Variants in DIAPH2 observed in about 807,000 individuals in gnomAD.
DIAPH2 encodes the protein protein diaphanous homolog 2.
Under a neutral mutation model 92.7 loss-of-function variants are expected in DIAPH2, and 35 were observed. The ratio of observed to expected loss-of-function variants is 0.38; its 90% CI spans 0.29 to 0.50. The LOEUF is 0.50. Ranked by LOEUF, DIAPH2 falls within the 20% of genes least tolerant of loss-of-function variation. The pLI, the probability that DIAPH2 is intolerant of heterozygous loss-of-function variation, is 0.94. For missense variants in DIAPH2, 701 were observed against 819.5 expected (o/e 0.86, Z 1.77); for synonymous variants, 301 against 280.4 (o/e 1.07, Z -0.73).
intron 1 of DIAPH2, among the ~76,000 whole-genome samples, chrX:96,731,174 C>T (rs910871738): frequency 3.6e-5 from 4 of 111,094 alleles, no homozygotes; most frequent in African/African-American, 1.3e-4. Context: ...TTCGGGCCAT[C>T]GGGGTGTATA....
chrX:97,519,132 C>G (rs1260955713), intron 26 of DIAPH2, among the ~76,000 whole-genome samples: 2 of 111,996 alleles, frequency 1.8e-5, no homozygotes, highest in African/African-American at 6.5e-5. Context: ...ATTTTGATGA[C>G]TGCAATTTCA....
intron 17 of DIAPH2, among the ~76,000 whole-genome samples, chrX:97,058,119 C>T (rs1395599243): frequency 9.0e-6 from 1 of 111,497 alleles, no homozygotes; most frequent in Admixed American, 9.5e-5. Context: ...CAACATGGAT[C>T]GTTGAACAGT....
chrX:97,323,593 G>GAAA (rs1199744995), intron 23 of DIAPH2, among the ~76,000 whole-genome samples: 7 of 23,256 alleles, frequency 3.0e-4, no homozygotes, highest in African/African-American at 5.1e-4. Context: ...TCCGTCTCAA[G>GAAA]AAAAAAAAAA....
intron 4 of DIAPH2, among the ~76,000 whole-genome samples, chrX:96,873,645 T>TATAC (rs1335853468): frequency 1.5e-4 from 10 of 68,526 alleles, no homozygotes; most frequent in African/African-American, 6.9e-4. Context: ...TGCGTATATA[T>TATAC]ATACACACAC....
intron 17 of DIAPH2, among the ~76,000 whole-genome samples, chrX:96,983,300 G>A (rs765438603): frequency 9.0e-6 from 1 of 110,874 alleles, no homozygotes; most frequent in African/African-American, 3.3e-5. Flanking sequence ...AGAGTTTGTG[G>A]CCATGGTGCA....
At chrX:97,058,397 T>G (rs1256894422) in intron 17 of DIAPH2, among the ~76,000 whole-genome samples, 1 of 110,432 alleles carries the variant, frequency 9.1e-6, no homozygotes, top group African/African-American at 3.3e-5. Context: ...GTAATATGGC[T>G]TCTCTTATCA....
chrX:97,291,978 G>A (rs1007241102), intron 23 of DIAPH2, among the ~76,000 whole-genome samples: 1 of 111,531 alleles, frequency 9.0e-6, no homozygotes, highest in Non-Finnish European at 1.9e-5. Flanking sequence ...AGTGATTGAT[G>A]TATACAGGAT....
At chrX:96,991,576 A>C in intron 17 of DIAPH2, among the ~76,000 whole-genome samples, 1 of 87,750 alleles carries the variant, frequency 1.1e-5, no homozygotes, top group Middle Eastern at 8.3e-3. Context: ...ATAATTTATG[A>C]ATTTGCTAAT....
chrX:97,306,926 G>A (rs756385456), intron 23 of DIAPH2, among the ~76,000 whole-genome samples: 7 of 111,845 alleles, frequency 6.3e-5, no homozygotes, highest in Non-Finnish European at 1.3e-4. Context: ...CTGAGAAGTG[G>A]GAAACTCTGA....
At chrX:96,795,961 A>G (rs2064535651) in intron 4 of DIAPH2, among the ~76,000 whole-genome samples, 1 of 110,953 alleles carries the variant, frequency 9.0e-6, no homozygotes, top group Admixed American at 9.6e-5. Context: ...CAGTTTTCAC[A>G]TCTGGAGACA....
intron 22 of DIAPH2, among the ~76,000 whole-genome samples, chrX:97,183,881 T>G (rs1222965489): frequency 2.7e-5 from 3 of 112,382 alleles, no homozygotes; most frequent in Non-Finnish European, 5.6e-5. Context: ...CTCTCTGATA[T>G]GGAACTGAAT....
intron 26 of DIAPH2, among the ~76,000 whole-genome samples, chrX:97,536,655 C>T (rs1036849356): frequency 8.9e-6 from 1 of 111,771 alleles, no homozygotes; most frequent in African/African-American, 3.3e-5. Context: ...TTTGGCTTCA[C>T]ACCTTTCTCC....
At chrX:96,926,342 C>A (rs1338831219) in intron 9 of DIAPH2, among the ~76,000 whole-genome samples, 1 of 111,542 alleles carries the variant, frequency 9.0e-6, no homozygotes, top group Non-Finnish European at 1.9e-5. Context: ...AATGCTATGT[C>A]TTATGCCAAT....
intron 4 of DIAPH2, among the ~76,000 whole-genome samples, chrX:96,761,145 C>T (rs1400778014): frequency 1.8e-5 from 2 of 110,949 alleles, no homozygotes; most frequent in Non-Finnish European, 3.8e-5. Flanking sequence ...GGGGATCTCA[C>T]GGGCACTTAA....
intron 22 of DIAPH2, among the ~76,000 whole-genome samples, chrX:97,146,935 G>A (rs1199855002): frequency 9.0e-6 from 1 of 111,599 alleles, no homozygotes; most frequent in African/African-American, 3.3e-5. Flanking sequence ...GGGTACTTTG[G>A]TGGGAAAAGT....
chrX:97,019,425 G>C (rs1399960476), intron 17 of DIAPH2, among the ~76,000 whole-genome samples: 1 of 110,519 alleles, frequency 9.0e-6, no homozygotes, highest in East Asian at 2.8e-4. Context: ...TATTTAATTA[G>C]TTATTTATGA....
At chrX:96,963,204 C>T (rs1182765146) in intron 16 of DIAPH2, among the ~76,000 whole-genome samples, 1 of 111,509 alleles carries the variant, frequency 9.0e-6, no homozygotes, top group Non-Finnish European at 1.9e-5. Context: ...ATATGCTGCA[C>T]CACGTGTTCC....
rs201230690 is a variant in DIAPH2 at position 97,437,971 on chromosome X, GA to G, written c.3241+8235del. On this transcript the variant is annotated intron_variant, in intron 26 of 26. Transcript: ENST00000324765. ...GAAATCAACAAAGGATACTCAGAAA[GA>G]AAAAAAAATTAGGGAAGAAGAGAAG... Among the ~76,000 whole-genome samples the G allele has an allele frequency of 1.0e-4, 11 of 107,420 alleles. No homozygotes were observed. The East Asian group carries it at 2.6e-3, about 25-fold the overall frequency. 93.3% of individuals were successfully genotyped at this position (107,420 alleles called of 115,157 possible). A position where few individuals can be genotyped will look rare whatever the true frequency, so the allele number is the denominator to read the frequency against.
chrX:97,575,631 A>C (rs775305033), intron 26 of DIAPH2, among the ~76,000 whole-genome samples: 135 of 112,094 alleles, frequency 1.2e-3, no homozygotes, highest in Non-Finnish European at 2.1e-3. Context: ...GGATGAAAGG[A>C]AATGAAATCA....
Sources: allele counts gnomAD v4.1 joint callset (sites outside exome capture counted in the v4.1 genomes callset), GRCh38; gene constraint gnomAD v4.1.1; transcripts MANE v1.5; gene names NCBI Gene and HGNC (gene_info 2026-07-23, HGNC 2026-07-21).